The following CALN1 variants were observed in gnomAD, a reference collection of about 807,000 sequenced individuals.
CALN1 encodes the protein calcium-binding protein 8.
In CALN1, 17 loss-of-function variants were observed where a neutral mutation model predicts 30.6. That is an observed-to-expected ratio of 0.56 (90% CI 0.38 to 0.83). CALN1 has a LOEUF of 0.83. Ranked by LOEUF, CALN1 falls within the 40% of genes least tolerant of loss-of-function variation. The pLI, the probability that CALN1 is intolerant of heterozygous loss-of-function variation, is 0.00. For missense variants in CALN1, 291 were observed against 354.9 expected, an observed-to-expected ratio of 0.82 and a Z score of 1.45; for synonymous variants, 156 against 131.4, an observed-to-expected ratio of 1.19 and a Z score of -1.28.
intron 1 of CALN1, among the ~76,000 whole-genome samples, chr7:72,433,189 T>C (rs1808032141): frequency 6.6e-6 from 1 of 152,132 alleles, no homozygotes; most frequent in Non-Finnish European, 1.5e-5. Context: ...CTTTGAGATA[T>C]TGATCGCCCT....
chr7:72,331,838 G>A (rs1801700206), intron 2 of CALN1, among the ~76,000 whole-genome samples: 3 of 151,686 alleles, frequency 2.0e-5, no homozygotes, highest in Admixed American at 2.0e-4. Flanking sequence ...TATTCTTCCT[G>A]ATGCTCTTCC....
At chr7:71,970,584 CTTT>C (rs201279221) in intron 5 of CALN1, among the ~76,000 whole-genome samples, 1 of 143,678 alleles carries the variant, frequency 7.0e-6, no homozygotes. Flanking sequence ...CAAAATATAC[CTTT>C]TTTTTTTTTT....
chr7:72,138,369 G>A (rs1371350511), intron 3 of CALN1, among the ~76,000 whole-genome samples: 1 of 152,100 alleles, frequency 6.6e-6, no homozygotes, highest in Non-Finnish European at 1.5e-5. Context: ...CCAACAATGA[G>A]TAAACTGGAG....
At chr7:72,389,608 C>T (rs993347992) in intron 2 of CALN1, among the ~76,000 whole-genome samples, 3 of 152,130 alleles carry the variant, frequency 2.0e-5, no homozygotes, top group East Asian at 1.9e-4. Context: ...AGTCTCTTGA[C>T]TTAAGCTCAG....
At chr7:71,983,969 AGAT>A (rs1001510913) in intron 5 of CALN1, among the ~76,000 whole-genome samples, 27 of 152,346 alleles carry the variant, frequency 1.8e-4, no homozygotes, top group African/African-American at 5.3e-4. Context: ...AAAACAGAGG[AGAT>A]GATAACCGCG....
chr7:72,361,091 T>C (rs1803541638), intron 2 of CALN1, among the ~76,000 whole-genome samples: 2 of 152,144 alleles, frequency 1.3e-5, no homozygotes, highest in African/African-American at 4.8e-5. Flanking sequence ...TGTACTACTT[T>C]TCATTTTTTG....
chr7:72,371,456 G>A (rs1289890256), intron 2 of CALN1, among the ~76,000 whole-genome samples: 4 of 152,070 alleles, frequency 2.6e-5, no homozygotes, highest in African/African-American at 9.7e-5. Flanking sequence ...CATGAGATCT[G>A]ATGGTTTTAT....
intron 5 of CALN1, among the ~76,000 whole-genome samples, chr7:71,838,479 T>A (rs912816361): frequency 1.3e-5 from 2 of 151,828 alleles, no homozygotes; most frequent in African/African-American, 4.8e-5. Flanking sequence ...CAGGCTGGAG[T>A]GGGTGGCACA....
intron 6 of CALN1, among the ~76,000 whole-genome samples, chr7:71,798,123 C>CAG (rs3973907): frequency 0.02 from 1,390 of 70,884 alleles, 22 homozygotes; most frequent in South Asian, 0.023. Flanking sequence ...GAGACAGAGA[C>CAG]AGAGAGAGAG....
At chr7:72,419,736 C>T (rs1438000032) in intron 1 of CALN1, among the ~76,000 whole-genome samples, 5 of 152,122 alleles carry the variant, frequency 3.3e-5, no homozygotes, top group Non-Finnish European at 5.9e-5. Context: ...AGTGGCTGAC[C>T]GGCAAGGATA....
rs139791868 is a variant in CALN1 at position 71,953,123 on chromosome 7, CTGT to C, written c.501+70531_501+70533del. Among the ~76,000 whole-genome samples, 548 of 152,070 alleles carry C rather than the reference CTGT, an allele frequency of 3.6e-3. 1 individual carries two copies. The highest frequency in any genetic ancestry group is 5.8e-3 in the South Asian group (28 of 4,816). On this transcript the variant is annotated intron_variant, in intron 5 of 6. Coordinates refer to ENST00000395275, the MANE Select transcript of CALN1 (RefSeq NM_031468.4). ...AGGCACGCACCACTACACCCAGCTG[CTGT>C]TTTTAATTTTTTGCAGGAACGGGAT...
chr7:72,470,270 G>A, the CALN1 span, among the ~76,000 whole-genome samples: 2 of 152,172 alleles, frequency 1.3e-5, no homozygotes, highest in Non-Finnish European at 2.9e-5. Context: ...GAAGTCAGGT[G>A]TGGTGGCTCA....
At chr7:71,935,154 G>A (rs950779185) in intron 5 of CALN1, among the ~76,000 whole-genome samples, 1 of 150,836 alleles carries the variant, frequency 6.6e-6, no homozygotes, top group African/African-American at 2.4e-5. Flanking sequence ...TAAGGATCTA[G>A]AGTAGATGAA....
At chr7:72,104,876 T>C (rs1001930251) in intron 4 of CALN1, among the ~76,000 whole-genome samples, 3 of 152,204 alleles carry the variant, frequency 2.0e-5, no homozygotes, top group African/African-American at 7.2e-5. Context: ...GAGAATCACT[T>C]GAACCGGGAG....
chr7:72,136,313 G>A (rs1809509923), intron 3 of CALN1, among the ~76,000 whole-genome samples: 1 of 152,072 alleles, frequency 6.6e-6, no homozygotes, highest in Non-Finnish European at 1.5e-5. Context: ...TTATATTATG[G>A]AGATGACTTC....
chr7:72,192,039 T>C (rs952953256), intron 3 of CALN1, among the ~76,000 whole-genome samples: 10 of 152,190 alleles, frequency 6.6e-5, no homozygotes, highest in Non-Finnish European at 1.5e-4. Flanking sequence ...AGAGTGCACC[T>C]GAATTTCTTG....
intron 3 of CALN1, among the ~76,000 whole-genome samples, chr7:72,201,307 T>G (rs1399228535): frequency 1.3e-5 from 2 of 152,082 alleles, no homozygotes; most frequent in Non-Finnish European, 2.9e-5. Context: ...AAAACTATTG[T>G]GCAGGGCACG....
chr7:72,251,725 T>C (rs1177349963), intron 3 of CALN1, among the ~76,000 whole-genome samples: 1 of 152,142 alleles, frequency 6.6e-6, no homozygotes, highest in African/African-American at 2.4e-5. Context: ...GTTTATGGCA[T>C]CTAATAGATT....
At chr7:72,169,837 C>G (rs1467151426) in intron 3 of CALN1, among the ~76,000 whole-genome samples, 1 of 151,726 alleles carries the variant, frequency 6.6e-6, no homozygotes, top group Non-Finnish European at 1.5e-5. Flanking sequence ...ATTACAGGTG[C>G]CCAGCACCAC....
Sources: allele counts gnomAD v4.1 joint callset (sites outside exome capture counted in the v4.1 genomes callset), GRCh38; gene constraint gnomAD v4.1.1; transcripts MANE v1.5; gene names NCBI Gene and HGNC (gene_info 2026-07-23, HGNC 2026-07-21).